The following FRMD4A variants were observed in gnomAD, a reference collection of about 807,000 sequenced individuals.
The protein encoded by FRMD4A is FERM domain containing 4A.
FRMD4A carries 29 observed loss-of-function variants against 129.1 expected under a neutral mutation model. The ratio of observed to expected loss-of-function variants is 0.22; its 90% CI spans 0.17 to 0.31. The LOEUF is 0.31. FRMD4A is among the 10% of genes least tolerant of loss of function. The probability of loss-of-function intolerance (pLI) is 1.00; values close to 1 mark genes in which losing one functional copy is unlikely to be tolerated. For missense variants in FRMD4A, 1,272 were observed against 1,375.8 expected (o/e 0.92, Z 1.19); for synonymous variants, 634 against 571.6 (o/e 1.11, Z -1.56).
At chr10:13,906,572 C>T (rs767979048) in intron 2 of FRMD4A, among the ~76,000 whole-genome samples, 1 of 152,102 alleles carries the variant, frequency 6.6e-6, no homozygotes, top group Non-Finnish European at 1.5e-5. Flanking sequence ...CCACTAAGGG[C>T]GTGAAATCTG....
At chr10:13,787,968 G>T (rs1023268448) in intron 5 of FRMD4A, among the ~76,000 whole-genome samples, 11 of 152,308 alleles carry the variant, frequency 7.2e-5, no homozygotes, top group African/African-American at 2.2e-4. Context: ...CCAGCATGGA[G>T]CAGGGAGTGC....
intron 5 of FRMD4A, among the ~76,000 whole-genome samples, 161 bp downstream of exon 5, chr10:13,796,335 C>T (rs765165450): frequency 6.6e-6 from 1 of 152,142 alleles, no homozygotes; most frequent in East Asian, 1.9e-4. Flanking sequence ...CCTCGCACCC[C>T]GCCTTTCCAT....
rs561905720 is a variant in FRMD4A, at chr10:14,199,079, T to C, written c.45+130979A>G. On this transcript the variant is annotated intron_variant, in intron 2 of 24. Transcript: ENST00000357447. ...TAATTATCCTTTCTTATCCAGTCCATTTCTTCCTTTCTTATCCAAAAAGCA... is the reference window on the plus strand; with the variant it reads ...TAATTATCCTTTCTTATCCAGTCCACTTCTTCCTTTCTTATCCAAAAAGCA... Among the ~76,000 whole-genome samples the C allele has an allele frequency of 3.3e-5, 5 of 152,168 alleles. No individual in the cohort carries two copies. In the South Asian group the frequency reaches 6.2e-4, roughly 19 times the overall value.
At chr10:13,827,191 A>G (rs1459791765) in intron 3 of FRMD4A, among the ~76,000 whole-genome samples, 1 of 152,230 alleles carries the variant, frequency 6.6e-6, no homozygotes, top group African/African-American at 2.4e-5. Context: ...AAGCTTCGTT[A>G]GCAGACAAAA....
intron 2 of FRMD4A, among the ~76,000 whole-genome samples, chr10:14,244,465 G>A (rs1360514256): frequency 6.6e-6 from 1 of 152,196 alleles, no homozygotes; most frequent in Non-Finnish European, 1.5e-5. Flanking sequence ...TGAGATGGGG[G>A]CTCTTGTATC....
At chr10:14,065,998 G>A (rs1307007645) in intron 2 of FRMD4A, among the ~76,000 whole-genome samples, 1 of 124,602 alleles carries the variant, frequency 8.0e-6, no homozygotes, top group East Asian at 2.4e-4. Flanking sequence ...TATGAAGTGG[G>A]GGTATGTATT....
chr10:14,108,647 G>C (rs555341006), intron 2 of FRMD4A, among the ~76,000 whole-genome samples: 1 of 152,182 alleles, frequency 6.6e-6, no homozygotes, highest in African/African-American at 2.4e-5. Context: ...GAAATGGTTT[G>C]CTTAAAATAG....
intron 2 of FRMD4A, among the ~76,000 whole-genome samples, chr10:14,280,579 A>G (rs1845485631): frequency 6.6e-6 from 1 of 152,202 alleles, no homozygotes; most frequent in African/African-American, 2.4e-5. Flanking sequence ...ACAGATTCCA[A>G]TGACAAATAG....
chr10:14,251,700 G>T (rs1197369194), intron 2 of FRMD4A, among the ~76,000 whole-genome samples: 4 of 152,186 alleles, frequency 2.6e-5, no homozygotes, highest in Admixed American at 1.3e-4. Context: ...TCTTTGAGTG[G>T]CTCAGGGTTT....
At chr10:14,011,505 A>G (rs1402525522) in intron 2 of FRMD4A, among the ~76,000 whole-genome samples, 2 of 152,088 alleles carry the variant, frequency 1.3e-5, no homozygotes, top group African/African-American at 4.8e-5. Context: ...AGGTGAGGAG[A>G]AATGCCTGGC....
In FRMD4A at chr10:13,718,236, G is replaced by T. The variant is rs3814671; in HGVS notation, c.760-11123C>A. 0.011 allele frequency among the ~76,000 whole-genome samples: 1,737 copies of T among 152,372 alleles called. 70 individuals carry two copies. The South Asian group carries it at 0.11, about 10-fold the overall frequency. On this transcript the variant is annotated intron_variant, in intron 12 of 24. Transcript: ENST00000357447. ...TCCCCTGGTTGGAAGGTGCCAGGGA[G>T]TGAGGCGGGTGAGCAGGCATCAGGC...
chr10:13,876,433 T>A (rs2094489794), intron 2 of FRMD4A, among the ~76,000 whole-genome samples: 1 of 152,214 alleles, frequency 6.6e-6, no homozygotes. Flanking sequence ...ATTTTTCTCA[T>A]ATAAATGTGT....
At chr10:13,804,716 T>TTC (rs2093330743) in intron 4 of FRMD4A, among the ~76,000 whole-genome samples, 1 of 40,192 alleles carries the variant, frequency 2.5e-5, no homozygotes, top group Non-Finnish European at 5.0e-5. Context: ...AGCTAATTCT[T>TTC]TTTTTTTTTT....
At chr10:13,958,776 G>T (rs1335964117) in intron 2 of FRMD4A, among the ~76,000 whole-genome samples, 2 of 151,636 alleles carry the variant, frequency 1.3e-5, no homozygotes, top group Non-Finnish European at 2.9e-5. Flanking sequence ...GTAGAGATAG[G>T]GTTTCTCCAT....
chr10:13,994,939 C>T (rs4575154), intron 2 of FRMD4A, among the ~76,000 whole-genome samples: 43,591 of 151,938 alleles, frequency 0.29, 7,386 homozygotes, highest in East Asian at 0.73. Flanking sequence ...AATGCCTCTA[C>T]GAGGTTGTAT....
At chr10:14,016,085 G>A (rs1008416147) in intron 2 of FRMD4A, among the ~76,000 whole-genome samples, 13 of 152,292 alleles carry the variant, frequency 8.5e-5, no homozygotes, top group South Asian at 6.2e-4. Flanking sequence ...GTGATGAGGC[G>A]TCTGTGGTGA....
chr10:13,727,861 GC>G (rs1400616451), intron 12 of FRMD4A: 2 of 152,308 alleles, frequency 1.3e-5, no homozygotes, highest in Non-Finnish European at 2.9e-5. Flanking sequence ...GCAGGGTCGT[GC>G]CCGGTTAGTA....
chr10:14,161,499 TGAAATCCTGCCATTTGCA>T (rs1840885533), intron 2 of FRMD4A, among the ~76,000 whole-genome samples: 1 of 152,212 alleles, frequency 6.6e-6, no homozygotes, highest in Non-Finnish European at 1.5e-5. Flanking sequence ...TAAAAAAGAA[TGAAATCCTGCCATTTGCA>T]GGGATATGGA....
At chr10:13,814,681 AAG>A (rs1007319063) in intron 3 of FRMD4A, among the ~76,000 whole-genome samples, 5 of 151,408 alleles carry the variant, frequency 3.3e-5, no homozygotes, top group African/African-American at 1.2e-4. Flanking sequence ...AAGAGAAAGA[AAG>A]AGAGAGAGAA....
Sources: allele counts gnomAD v4.1 joint callset (sites outside exome capture counted in the v4.1 genomes callset), GRCh38; gene constraint gnomAD v4.1.1; transcripts MANE v1.5; gene names NCBI Gene and HGNC (gene_info 2026-07-23, HGNC 2026-07-21).